Variants in OR2B11 observed in about 807,000 individuals in gnomAD.
OR2B11 encodes olfactory receptor family 2 subfamily B member 11.
For missense variants in OR2B11, 422 were observed against 400.0 expected (o/e 1.05, Z -0.47); for synonymous variants, 198 against 174.5 (o/e 1.13, Z -1.06).
Position 247,452,215 on chromosome 1 carries a change from T to TA in OR2B11, c.-234dup, listed in dbSNP as rs1664864653. ...CTCCTTCCTACTCAGTGGCCGCAAC[T>TA]AAACCATTTAATATTCCTGAACTTC... is the stretch of plus-strand genomic sequence containing the variant. On this transcript the variant is annotated 5_prime_UTR_variant, in exon 2 of 2. The change creates a premature stop within an existing upstream ORF in the 5' untranslated region. Transcript: ENST00000641149. 1 of 504,154 alleles carries TA rather than the reference T, an allele frequency of 2.0e-6. No homozygotes were observed. Among genetic ancestry groups the TA allele is most frequent in the Non-Finnish European group, 3.5e-6 (1 of 281,732 alleles). The allele number at this position is 504,154 out of a possible 1,614,324, so 31.2% of individuals were successfully genotyped here. A position where few individuals can be genotyped will look rare whatever the true frequency, so the allele number is the denominator to read the frequency against.
In OR2B11 at chr1:247,451,930, A is replaced by G; in HGVS notation, c.53T>C (p.Leu18Pro). Residue 18 changes from leucine (L) to proline (P), a missense_variant, in exon 2 of 2, where the codon CTT becomes CCT. Physicochemically the swap from Leu to Pro is moderately conservative, Grantham distance 98. Transcript: ENST00000641149. ...CCACGGCCTGTCAGACACACCCAGA[A>G]GGATGAAGGCTTTAGGGGAGTCCCC... ...FLGDSPKAFI[L>P]LGVSDRPWLE... is the part of the protein sequence containing the mutation. The G allele has an allele frequency of 6.2e-7, 1 of 1,610,368 alleles. No homozygotes were observed.
rs1381328578 is a variant in OR2B11, at chr1:247,452,244, A to G, written c.-262T>C. On this transcript the variant is annotated 5_prime_UTR_variant, in exon 2 of 2. The change abolishes an upstream ATG in the 5' untranslated region. Coordinates refer to ENST00000641149, the MANE Select transcript of OR2B11 (RefSeq NM_001004492.2). ...CCATTTAATATTCCTGAACTTCTGC[A>G]TCTGTAAAATGGGGAGAAATACCTC... 4.7e-6 allele frequency: 2 copies of G among 429,308 alleles called. No homozygotes were observed. Among genetic ancestry groups the G allele is most frequent in the East Asian group, 3.9e-5 (1 of 25,908 alleles). The allele number at this position is 429,308 out of a possible 1,614,324, so 26.6% of individuals were successfully genotyped here. A position where few individuals can be genotyped will look rare whatever the true frequency, so the allele number is the denominator to read the frequency against.
chr1:247,457,258 C>G (rs763084991), intron 1 of OR2B11, among the ~76,000 whole-genome samples: 2 of 152,118 alleles, frequency 1.3e-5, no homozygotes, highest in African/African-American at 4.8e-5. Flanking sequence ...CTCTTTTTCT[C>G]TCTTTCCATG....
Position 247,453,967 on chromosome 1 carries a change from A to T in OR2B11, c.-1985T>A, listed in dbSNP as rs1182903097. On this transcript the variant is annotated 5_prime_UTR_variant, in exon 2 of 2. Transcript: ENST00000641149. The stretch of plus-strand genomic sequence containing the variant: ...CTATTCTCTCCAGAACTTTGCTTTA[A>T]AAAAAGAGCAGCTGGTGACATGGGG... 1 of 152,224 alleles carries T rather than the reference A, an allele frequency of 6.6e-6. No homozygotes were observed. The highest frequency in any genetic ancestry group is 1.5e-5 in the Non-Finnish European group (1 of 68,046). 9.4% of individuals were successfully genotyped at this position (152,224 alleles called of 1,614,324 possible).
rs1418721865 is a variant in OR2B11, at chr1:247,454,475, T to C, written c.-2493A>G. On this transcript the variant is annotated 5_prime_UTR_variant, in exon 2 of 2. Transcript: ENST00000641149. Reference sequence around the variant, plus strand: ...GGAATCCCTCAGGCTGTATCTACAGTTGTCAGTTCCTCACTGACCTCTAAC... The same window carrying C: ...GGAATCCCTCAGGCTGTATCTACAGCTGTCAGTTCCTCACTGACCTCTAAC... 1 of 152,342 alleles carries C rather than the reference T, an allele frequency of 6.6e-6. No individual in the cohort carries two copies. Among genetic ancestry groups the C allele is most frequent in the Non-Finnish European group, 1.5e-5 (1 of 68,056 alleles). 9.4% of individuals were successfully genotyped at this position (152,342 alleles called of 1,614,324 possible).
Position 247,450,058 on chromosome 1 carries a change from G to C in OR2B11, c.*971C>G, listed in dbSNP as rs1461672990. 11 of 152,006 alleles carry C rather than the reference G, an allele frequency of 7.2e-5. No individual in the cohort carries two copies. Among genetic ancestry groups the C allele is most frequent in the Admixed American group, 7.2e-4 (11 of 15,244 alleles). The allele number at this position is 152,006 out of a possible 1,614,324, so 9.4% of individuals were successfully genotyped here. A position where few individuals can be genotyped will look rare whatever the true frequency, so the allele number is the denominator to read the frequency against. On this transcript the variant is annotated 3_prime_UTR_variant, in exon 2 of 2. Coordinates refer to ENST00000641149, the MANE Select transcript of OR2B11 (RefSeq NM_001004492.2). ...GTCTGGAGTGCAGAGGCGCGATCTCGGCTCACTGCAACCTCCGCCTCCCGG... is the reference window on the plus strand; with the variant it reads ...GTCTGGAGTGCAGAGGCGCGATCTCCGCTCACTGCAACCTCCGCCTCCCGG...
rs899135550 is a variant in OR2B11 at position 247,453,781 on chromosome 1, A to C, written c.-1799T>G. On this transcript the variant is annotated 5_prime_UTR_variant, in exon 2 of 2. Coordinates refer to ENST00000641149, the MANE Select transcript of OR2B11 (RefSeq NM_001004492.2). ...AGTTATTTACCACTCACTGTGAGCC[A>C]GGTACTGTAATAATAACTTGATGTT... 2 of 152,218 alleles carry C rather than the reference A, an allele frequency of 1.3e-5. No individual in the cohort carries two copies. Among genetic ancestry groups the C allele is most frequent in the Non-Finnish European group, 2.9e-5 (2 of 68,052 alleles). 9.4% of individuals were successfully genotyped at this position (152,218 alleles called of 1,614,324 possible). A position where few individuals can be genotyped will look rare whatever the true frequency, so the allele number is the denominator to read the frequency against.
chr1:247,450,500 T>G lies in OR2B11; in HGVS notation c.*529A>C, dbSNP rs1266595849. ...CTAGTTTACATTTCATGGAAAAACTTTCTATAGAAGAAAATGTGAACTACA... is the reference window on the plus strand; with the variant it reads ...CTAGTTTACATTTCATGGAAAAACTGTCTATAGAAGAAAATGTGAACTACA... On this transcript the variant is annotated 3_prime_UTR_variant, in exon 2 of 2. Transcript: ENST00000641149. 6.6e-6 allele frequency: 1 copy of G among 152,238 alleles called. No individual in the cohort carries two copies. Among genetic ancestry groups the G allele is most frequent in the Non-Finnish European group, 1.5e-5 (1 of 68,064 alleles). The allele number at this position is 152,238 out of a possible 1,614,324, so 9.4% of individuals were successfully genotyped here. A position where few individuals can be genotyped will look rare whatever the true frequency, so the allele number is the denominator to read the frequency against.
In OR2B11 at chr1:247,454,793, G is replaced by A. The variant is rs963817886; in HGVS notation, c.-2811C>T. ...CCGTCCTGGGCAGAAACGCCCACCA[G>A]GACCCCTCTTGGAACTTGCTACCTG... On this transcript the variant is annotated 5_prime_UTR_variant, in exon 2 of 2. Coordinates refer to ENST00000641149, the MANE Select transcript of OR2B11 (RefSeq NM_001004492.2). The A allele has an allele frequency of 6.6e-6, 1 of 152,164 alleles. No individual in the cohort carries two copies. Among genetic ancestry groups the A allele is most frequent in the East Asian group, 1.9e-4 (1 of 5,174 alleles). 9.4% of individuals were successfully genotyped at this position (152,164 alleles called of 1,614,324 possible). A position where few individuals can be genotyped will look rare whatever the true frequency, so the allele number is the denominator to read the frequency against.
At chr1:247,456,094 C>T (rs1292114926) in intron 1 of OR2B11, among the ~76,000 whole-genome samples, 1 of 152,168 alleles carries the variant, frequency 6.6e-6, no homozygotes, top group Admixed American at 6.5e-5. Context: ...TATGAGCCTT[C>T]CCATATCCCA....
chr1:247,456,792 A>G (rs1373465796), intron 1 of OR2B11, among the ~76,000 whole-genome samples: 6 of 152,034 alleles, frequency 3.9e-5, no homozygotes, highest in Admixed American at 2.6e-4. Context: ...CCGGTGTGTG[A>G]TGTTCCGCTC....
chr1:247,451,017 C>T lies in OR2B11; in HGVS notation c.*12G>A. On this transcript the variant is annotated 3_prime_UTR_variant, in exon 2 of 2. Coordinates refer to ENST00000641149, the MANE Select transcript of OR2B11 (RefSeq NM_001004492.2). ...TCTTTAATTGATGGAGATGCTACAT[C>T]TCATGTCCTCATCATCCACAGAGCC... The T allele has an allele frequency of 7.0e-7, 1 of 1,420,374 alleles. No homozygotes were observed. Among genetic ancestry groups the T allele is most frequent in the African/African-American group, 1.4e-5 (1 of 69,746 alleles). 88.0% of individuals were successfully genotyped at this position (1,420,374 alleles called of 1,614,324 possible). A position where few individuals can be genotyped will look rare whatever the true frequency, so the allele number is the denominator to read the frequency against.
rs1291354113 is a variant in OR2B11, at chr1:247,449,494, AT to A, written c.*1534del. On this transcript the variant is annotated 3_prime_UTR_variant, in exon 2 of 2. Transcript: ENST00000641149. ...TACACATGGACAACTCTTAAACCGC[AT>A]GGAATTGCTCAGGATGGAAATACTA... is the stretch of plus-strand genomic sequence containing the variant. 1 of 152,224 alleles carries A rather than the reference AT, an allele frequency of 6.6e-6. No homozygotes were observed. The highest frequency in any genetic ancestry group is 2.4e-5 in the African/African-American group (1 of 41,466). The allele number at this position is 152,224 out of a possible 1,614,324, so 9.4% of individuals were successfully genotyped here.
At position 247,451,841 on chromosome 1, in the gene OR2B11, C is replaced by A; in HGVS notation, c.142G>T (p.Ala48Ser). The A allele has an allele frequency of 3.7e-6, 6 of 1,614,062 alleles. No homozygotes were observed. The highest frequency in any genetic ancestry group is 4.2e-6 in the Non-Finnish European group (5 of 1,180,024). Residue 48 changes from alanine to serine, a missense_variant, in exon 2 of 2, where the codon GCC becomes TCC. Ala to Ser is a moderately conservative substitution (Grantham distance 99). Transcript: ENST00000641149. ...SYVLAMLGNV[A>S]IILASRVDPQ... ...TCCACCCGGGATGCCAGGATGATGGCGACGTTCCCCAACATGGCCAGCACA... is the reference window on the plus strand; with the variant it reads ...TCCACCCGGGATGCCAGGATGATGGAGACGTTCCCCAACATGGCCAGCACA...
intron 1 of OR2B11, 105 bp from the exon 2 acceptor site, chr1:247,455,169 G>A (rs899673244): frequency 2.0e-5 from 3 of 152,104 alleles, no homozygotes; most frequent in African/African-American, 7.2e-5. Context: ...GAAGCTTGAC[G>A]GAACACATTG....
chr1:247,451,896 G>T lies in OR2B11; in HGVS notation c.87C>A (p.Leu29=). ...ACAGCAGGAGGACCACAAAGAGAGGGAGTTCCAGCCACGGCCTGTCAGACA... is the reference window on the plus strand; with the variant it reads ...ACAGCAGGAGGACCACAAAGAGAGGTAGTTCCAGCCACGGCCTGTCAGACA... ...LGVSDRPWLE[L]PLFVVLLLSY... is the part of the protein sequence containing the mutation. The change falls in exon 2 of 2, where the codon CTC becomes CTA. Residue 29 remains leucine (L), a synonymous_variant. Coordinates refer to ENST00000641149, the MANE Select transcript of OR2B11 (RefSeq NM_001004492.2). The T allele has an allele frequency of 6.2e-7, 1 of 1,614,084 alleles. No individual in the cohort carries two copies. Among genetic ancestry groups the T allele is most frequent in the South Asian group, 1.1e-5 (1 of 91,090 alleles).
Position 247,451,728 on chromosome 1 carries a change from C to A in OR2B11, c.255G>T (p.Met85Ile). 1 of 1,614,156 alleles carries A rather than the reference C, an allele frequency of 6.2e-7. No homozygotes were observed. Residue 85 changes from methionine (M) to isoleucine (I), a missense_variant, in exon 2 of 2, where the codon ATG (methionine) becomes ATT (isoleucine). Met to Ile is a conservative substitution (Grantham distance 10). Transcript: ENST00000641149. ...TCTGGGAACTGCCCATGTTGACCAG[C>A]ATCTGAGGGACTGTCGTGGTGGTGT... is the stretch of plus-strand genomic sequence containing the variant. ...LCYTTTTVPQMLVNMGSSQKT... is the reference protein window; with the variant it reads ...LCYTTTTVPQILVNMGSSQKT...
chr1:247,455,306 G>A (rs1664944687), intron 1 of OR2B11, among the ~76,000 whole-genome samples: 1 of 152,134 alleles, frequency 6.6e-6, no homozygotes, highest in African/African-American at 2.4e-5. Context: ...TAGTCCAAAG[G>A]GTCTCTTTCT....
chr1:247,451,112 G>GA lies in OR2B11; in HGVS notation c.870dup (p.Pro291SerfsTer9). The GA allele has an allele frequency of 6.6e-7, 1 of 1,516,678 alleles. No individual in the cohort carries two copies. Among genetic ancestry groups the GA allele is most frequent in the Non-Finnish European group, 8.8e-7 (1 of 1,132,080 alleles). 94.0% of individuals were successfully genotyped at this position (1,516,678 alleles called of 1,614,324 possible). On this transcript the variant is annotated frameshift_variant, in exon 2 of 2. Coordinates refer to ENST00000641149, the MANE Select transcript of OR2B11 (RefSeq NM_001004492.2). LOFTEE classifies it low-confidence loss of function (END_TRUNC). ...TTATTTCTCAGGGTGTAGGTGAAGGGATTGAGAGTGGGGGTGATTATGGAA... is the reference window on the plus strand; with the variant it reads ...TTATTTCTCAGGGTGTAGGTGAAGGGAATTGAGAGTGGGGGTGATTATGGAA...
Sources: gnomAD v4.1 joint callset for allele counts (sites outside exome capture counted in the v4.1 genomes callset) on GRCh38, gnomAD v4.1.1 for gene constraint, MANE v1.5 for transcripts, NCBI Gene and HGNC (gene_info 2026-07-23, HGNC 2026-07-21) for gene names.